The following DUOX1 variants were observed in gnomAD, a reference collection of about 807,000 sequenced individuals.
DUOX1 encodes the protein dual oxidase 1, also known as NADPH thyroid oxidase 1.
A neutral mutation model predicts 181.8 loss-of-function variants in DUOX1; 134 were observed. The observed-to-expected ratio is 0.74, with a 90% CI of 0.64 to 0.85. DUOX1 has a LOEUF of 0.85. Ranked by LOEUF, DUOX1 falls within the 40% of genes least tolerant of loss-of-function variation. DUOX1 has a pLI of 0.00. For synonymous variants in DUOX1, 798 were observed against 832.5 expected (o/e 0.96, Z 0.71); for missense variants, 1,814 against 2,064.4 (o/e 0.88, Z 2.35).
chr15:45,142,025 T>C lies in DUOX1; in HGVS notation c.1735T>C (p.Cys579Arg), dbSNP rs918965163. The C allele has an allele frequency of 3.1e-6, 5 of 1,613,896 alleles. No individual in the cohort carries two copies. In the Admixed American group the frequency reaches 6.7e-5, roughly 22 times the overall value. Residue 579 changes from cysteine to arginine, a missense_variant, in exon 15 of 34, where the codon TGT becomes CGT. Physicochemically the swap from Cys to Arg is radical, Grantham distance 180. Coordinates refer to ENST00000389037, the MANE Select transcript of DUOX1 (RefSeq NM_175940.3). ...GCTCAGCACTGAAGGCCTGCCAGCG[T>C]GTGCTCCCTCTGTTGTTCGTGACTA... Reference protein sequence around the residue: ...RQLSTEGLPACAPSVVRDYFE... With the variant: ...RQLSTEGLPARAPSVVRDYFE...
intron 12 of DUOX1, 100 bp downstream of exon 12, chr15:45,139,699 G>C (rs1896443097): frequency 2.3e-6 from 3 of 1,306,422 alleles, no homozygotes; most frequent in Admixed American, 5.9e-5. Context: ...CAAGAGACAA[G>C]CACCTAATGG....
At chr15:45,157,053 G>C (rs1197181584) in intron 28 of DUOX1, among the ~76,000 whole-genome samples, 1 of 152,218 alleles carries the variant, frequency 6.6e-6, no homozygotes, top group East Asian at 1.9e-4. Flanking sequence ...CCGAGACAAA[G>C]AGAAACTGCA....
Position 45,132,030 on chromosome 15 carries a change from T to G in DUOX1, c.58+6T>G, listed in dbSNP as rs950189148. The G allele has an allele frequency of 6.2e-7, 1 of 1,600,748 alleles. No individual in the cohort carries two copies. The highest frequency in any genetic ancestry group is 1.4e-5 in the African/African-American group (1 of 73,898). ...TGGGGCATGGACCCCTCTGGGTGAG[T>G]ACAGATTGGAGGAGAAGCATGGTTA... On this transcript the variant is annotated splice_donor_region_variant and intron_variant, in intron 2 of 33. Transcript: ENST00000389037.
chr15:45,139,908 C>T, intron 12 of DUOX1: 1 of 613,602 alleles, frequency 1.6e-6, no homozygotes, highest in Non-Finnish European at 2.9e-6. Flanking sequence ...TATAGAAGGT[C>T]CTTGACTTAG....
chr15:45,140,794 TTTA>T (rs940979661), intron 12 of DUOX1, 98 bp from the exon 13 acceptor site: 42 of 1,197,132 alleles, frequency 3.5e-5, no homozygotes, highest in Non-Finnish European at 4.6e-5. Flanking sequence ...GTTACTGTCA[TTTA>T]TTATTATCAT....
At chr15:45,157,639 C>T (rs562664137) in intron 28 of DUOX1, among the ~76,000 whole-genome samples, 8 of 151,968 alleles carry the variant, frequency 5.3e-5, no homozygotes, top group African/African-American at 1.4e-4. Context: ...GTCAACATGG[C>T]GAAACCTCGT....
Position 45,134,285 on chromosome 15 carries a change from CGCACAGTGTTG to C in DUOX1, c.285_295del (p.Thr96GlyfsTer195). The C allele has an allele frequency of 6.2e-7, 1 of 1,603,788 alleles. No homozygotes were observed. Among genetic ancestry groups the C allele is most frequent in the African/African-American group, 1.3e-5 (1 of 74,184 alleles). ...TGCAGGGCTGGCCTCCCTGAGAAAC[CGCACAGTGTTG>C]GGGGTCTTCTTTGGTGAGAACTTCA... On this transcript the variant is annotated frameshift_variant, in exon 4 of 34. Coordinates refer to ENST00000389037, the MANE Select transcript of DUOX1 (RefSeq NM_175940.3). LOFTEE classifies it high-confidence loss of function.
chr15:45,160,729 GGGGCT>G, intron 28 of DUOX1, 103 bp from the exon 29 acceptor site: 1 of 1,268,588 alleles, frequency 7.9e-7, no homozygotes, highest in Non-Finnish European at 1.0e-6. Flanking sequence ...TGGTGAGGTG[GGGGCT>G]GGATATACCA....
intron 21 of DUOX1, chr15:45,150,418 C>A (rs1158025638): frequency 1.8e-6 from 1 of 566,464 alleles, no homozygotes; most frequent in African/African-American, 1.9e-5. Context: ...GCCTGGCCAA[C>A]TTTCTTTCAG....
chr15:45,161,344 G>T (rs994205954), intron 29 of DUOX1, among the ~76,000 whole-genome samples: 2 of 147,246 alleles, frequency 1.4e-5, no homozygotes, highest in Non-Finnish European at 3.0e-5. Context: ...GGTTGAACCT[G>T]GTAGGCAGAG....
intron 2 of DUOX1, among the ~76,000 whole-genome samples, chr15:45,133,214 A>T (rs564292686): frequency 3.9e-5 from 6 of 152,302 alleles, no homozygotes; most frequent in Non-Finnish European, 8.8e-5. Flanking sequence ...ATACAACAGG[A>T]TCAAGAGGAG....
Position 45,155,653 on chromosome 15 carries a change from G to A in DUOX1, c.3575-149G>A, listed in dbSNP as rs1896952671. On this transcript the variant is annotated intron_variant, in intron 27 of 33. Coordinates refer to ENST00000389037, the MANE Select transcript of DUOX1 (RefSeq NM_175940.3). ...CTGAAATGAAAGGTACCTGTGATCA[G>A]TGGTGTTGGGGGAGAGGACCAGAGG... The A allele has an allele frequency of 7.1e-6, 7 of 990,996 alleles. No homozygotes were observed. The South Asian group carries it at 1.1e-4, about 15-fold the overall frequency. The allele number at this position is 990,996 out of a possible 1,614,324, so 61.4% of individuals were successfully genotyped here.
At chr15:45,159,474 A>G (rs1897045498) in intron 28 of DUOX1, among the ~76,000 whole-genome samples, 1 of 152,162 alleles carries the variant, frequency 6.6e-6, no homozygotes. Context: ...CTGAAAAGAT[A>G]TATTTTACCC....
intron 3 of DUOX1, 91 bp from the exon 4 acceptor site, chr15:45,134,054 T>C: frequency 6.4e-7 from 1 of 1,559,872 alleles, no homozygotes; most frequent in Non-Finnish European, 8.7e-7. Context: ...TCCAAGGTTT[T>C]AGGATCCATG....
chr15:45,133,717 C>G (rs1228251491), intron 2 of DUOX1, 147 bp from the exon 3 acceptor site: 1 of 687,748 alleles, frequency 1.5e-6, no homozygotes, highest in Non-Finnish European at 2.5e-6. Context: ...CTGGTTTTTC[C>G]CTCTGCACCC....
chr15:45,143,585 T>C (rs1021349961), intron 16 of DUOX1, among the ~76,000 whole-genome samples: 3 of 152,166 alleles, frequency 2.0e-5, no homozygotes, highest in Non-Finnish European at 4.4e-5. Context: ...TGCTGATTTG[T>C]AGCATCTCAC....
chr15:45,151,074 C>A, intron 22 of DUOX1, 49 bp from the exon 23 acceptor site: 2 of 1,606,610 alleles, frequency 1.2e-6, no homozygotes, highest in Non-Finnish European at 1.7e-6. Flanking sequence ...AGCAGAGGAA[C>A]GAGTGGTTGA....
rs1243464031 is a variant in DUOX1, at chr15:45,154,927, T to C, written c.3575-875T>C. 3.9e-5 allele frequency among the ~76,000 whole-genome samples: 6 copies of C among 152,328 alleles called. No individual in the cohort carries two copies. In the East Asian group the frequency reaches 1.2e-3, roughly 29 times the overall value. Reference sequence around the variant, plus strand: ...GCCTCCCACCAACTCTGGGTTGTACTTGGGGACCCTAGTGATGAGCAGGGA... The same window carrying C: ...GCCTCCCACCAACTCTGGGTTGTACCTGGGGACCCTAGTGATGAGCAGGGA... On this transcript the variant is annotated intron_variant, in intron 27 of 33. Coordinates refer to ENST00000389037, the MANE Select transcript of DUOX1 (RefSeq NM_175940.3).
Position 45,139,052 on chromosome 15 carries a change from C to G in DUOX1, c.1114-14C>G. The G allele has an allele frequency of 6.2e-7, 1 of 1,611,324 alleles. No homozygotes were observed. Among genetic ancestry groups the G allele is most frequent in the Non-Finnish European group, 8.5e-7 (1 of 1,178,566 alleles). ...TAACCACACCCCTTTCCTCCCCACC[C>G]CCAACCTATAAAGCACCCAAGCCTA... On this transcript the variant is annotated splice_polypyrimidine_tract_variant and intron_variant, in intron 10 of 33. Transcript: ENST00000389037.
Sources: gnomAD v4.1 joint callset for allele counts (sites outside exome capture counted in the v4.1 genomes callset) on GRCh38, gnomAD v4.1.1 for gene constraint, MANE v1.5 for transcripts, NCBI Gene and HGNC (gene_info 2026-07-23, HGNC 2026-07-21) for gene names.